GABRB2: variants seen among roughly 807,000 people sequenced by gnomAD.
The protein encoded by GABRB2 is gamma-aminobutyric acid receptor subunit beta-2.
A neutral mutation model predicts 54.7 loss-of-function variants in GABRB2; 16 were observed. The ratio of observed to expected loss-of-function variants is 0.29; its 90% confidence interval spans 0.20 to 0.44. GABRB2 has a LOEUF of 0.44. Among genes scored for constraint, GABRB2 ranks in the 20% least tolerant of loss-of-function variants. The pLI is 1.00. For missense variants in GABRB2, 355 were observed against 644.0 expected (o/e 0.55, Z 4.86); for synonymous variants, 244 against 233.8 (o/e 1.04, Z -0.40).
chr5:161,476,720 G>T (rs1758601965), intron 3 of GABRB2, among the ~76,000 whole-genome samples: 1 of 151,702 alleles, frequency 6.6e-6, no homozygotes, highest in African/African-American at 2.4e-5. Context: ...AATGGTATTG[G>T]GATAACTGGA....
At chr5:161,485,772 T>A (rs1402638945) in intron 3 of GABRB2, among the ~76,000 whole-genome samples, 1 of 151,884 alleles carries the variant, frequency 6.6e-6, no homozygotes, top group East Asian at 1.9e-4. Context: ...CAATGGTCAG[T>A]GAGACTCAAT....
intron 5 of GABRB2, among the ~76,000 whole-genome samples, chr5:161,349,012 ATAT>A (rs1440111750): frequency 1.3e-5 from 2 of 152,128 alleles, no homozygotes; most frequent in Non-Finnish European, 1.5e-5. Flanking sequence ...TGCCCCTTAA[ATAT>A]CTATGCAAAT....
At chr5:161,530,710 G>A (rs1265979730) in intron 3 of GABRB2, among the ~76,000 whole-genome samples, 2 of 152,080 alleles carry the variant, frequency 1.3e-5, no homozygotes, top group African/African-American at 4.8e-5. Flanking sequence ...TCTTTCCTCT[G>A]AAAATGTGGC....
chr5:161,542,049 A>T (rs897075479), intron 3 of GABRB2, among the ~76,000 whole-genome samples: 2 of 152,146 alleles, frequency 1.3e-5, no homozygotes, highest in African/African-American at 4.8e-5. Flanking sequence ...GGAATAGGGA[A>T]CCTCACAGAG....
At position 161,545,142 on chromosome 5, in the gene GABRB2, C is replaced by T. The variant is rs1288476630; in HGVS notation, c.237+85G>A. On this transcript the variant is annotated intron_variant, in intron 3 of 9. Coordinates refer to ENST00000393959, the MANE Select transcript of GABRB2 (RefSeq NM_001371727.1). ...ACCTCATACACATAGCCAAGCACACCCCCACCCCCAATAGCTGGCTCATTT... is the reference window on the plus strand; with the variant it reads ...ACCTCATACACATAGCCAAGCACACTCCCACCCCCAATAGCTGGCTCATTT... 24 of 997,012 alleles carry T rather than the reference C, an allele frequency of 2.4e-5. No individual in the cohort carries two copies. In the Admixed American group the frequency reaches 5.3e-4, roughly 22 times the overall value. The allele number at this position is 997,012 out of a possible 1,614,324, so 61.8% of individuals were successfully genotyped here.
At chr5:161,296,412 T>C (rs1757381629) in intron 9 of GABRB2, among the ~76,000 whole-genome samples, 1 of 152,178 alleles carries the variant, frequency 6.6e-6, no homozygotes, top group African/African-American at 2.4e-5. Flanking sequence ...TACTGAGCAA[T>C]TATAATAAGA....
intron 3 of GABRB2, among the ~76,000 whole-genome samples, chr5:161,467,081 T>A (rs1241991929): frequency 6.6e-6 from 1 of 152,080 alleles, no homozygotes; most frequent in Non-Finnish European, 1.5e-5. Flanking sequence ...TAAGGTATAG[T>A]CTGTTTAATT....
At chr5:161,546,766 G>A, upstream of GABRB2, 4 of 1,489,334 alleles carry the variant, frequency 2.7e-6, no homozygotes, top group Non-Finnish European at 2.7e-6. Context: ...CAAAGGGGAA[G>A]CGGCGGCTGC....
chr5:161,323,047 C>T (rs1367734775), intron 9 of GABRB2, among the ~76,000 whole-genome samples: 4 of 141,492 alleles, frequency 2.8e-5, no homozygotes, highest in East Asian at 2.1e-4. Context: ...TTTTTTGAGA[C>T]GGAGTCTTAC....
intron 4 of GABRB2, among the ~76,000 whole-genome samples, chr5:161,414,760 T>A (rs754137834): frequency 2.8e-3 from 429 of 151,214 alleles, no homozygotes; most frequent in African/African-American, 4.0e-3. Flanking sequence ...ATAAAACAAA[T>A]ATAACAATAA....
intron 3 of GABRB2, among the ~76,000 whole-genome samples, chr5:161,503,772 G>A (rs887877331): frequency 4.0e-5 from 6 of 150,132 alleles, no homozygotes; most frequent in African/African-American, 1.5e-4. Context: ...GACAGAGATT[G>A]TCAAACTGGA....
chr5:161,294,330 T>C lies in GABRB2; in HGVS notation c.1290A>G (p.Thr430=), dbSNP rs772833467. The part of the protein sequence containing the change: ...AVMGLGDPRS[T]MLAYDASSIQ... ...TGCTGGAGGCATCATAGGCTAGCAT[T>C]GTGCTTCTGGGGTCTCCAAGTCCCA... Residue 430 remains threonine, a synonymous_variant, in exon 10 of 10, where the codon ACA becomes ACG. Coordinates refer to ENST00000393959, the MANE Select transcript of GABRB2 (RefSeq NM_001371727.1). 7 of 1,614,024 alleles carry C rather than the reference T, an allele frequency of 4.3e-6. No individual in the cohort carries two copies. Among genetic ancestry groups the C allele is most frequent in the Non-Finnish European group, 1.7e-6 (2 of 1,180,010 alleles).
At chr5:161,338,841 T>C (rs1431379027) in intron 5 of GABRB2, among the ~76,000 whole-genome samples, 2 of 152,074 alleles carry the variant, frequency 1.3e-5, no homozygotes, top group Non-Finnish European at 1.5e-5. Context: ...GATTTCAACA[T>C]ACATTCTAGG....
chr5:161,472,612 A>G (rs927448420), intron 3 of GABRB2, among the ~76,000 whole-genome samples: 5 of 152,008 alleles, frequency 3.3e-5, no homozygotes, highest in African/African-American at 9.7e-5. Flanking sequence ...TCCTAAACAC[A>G]CAATTTTACA....
chr5:161,475,979 T>C (rs1385627210), intron 3 of GABRB2, among the ~76,000 whole-genome samples: 5 of 151,816 alleles, frequency 3.3e-5, no homozygotes, highest in African/African-American at 2.4e-5. Context: ...GACATCCTAA[T>C]TGGAAAGGAA....
At chr5:161,307,182 T>C (rs1757713361) in intron 9 of GABRB2, among the ~76,000 whole-genome samples, 1 of 152,182 alleles carries the variant, frequency 6.6e-6, no homozygotes, top group African/African-American at 2.4e-5. Context: ...CAAATTCTTT[T>C]TTCATGAGGA....
chr5:161,460,219 T>G (rs1391961319), intron 3 of GABRB2, among the ~76,000 whole-genome samples: 5 of 152,174 alleles, frequency 3.3e-5, no homozygotes, highest in Admixed American at 2.6e-4. Context: ...GTGCTGGGAT[T>G]ACAGGCATGA....
intron 4 of GABRB2, among the ~76,000 whole-genome samples, chr5:161,445,386 T>G (rs748656257): frequency 1.3e-5 from 2 of 151,804 alleles, no homozygotes; most frequent in Admixed American, 1.3e-4. Flanking sequence ...CTCAGATCTG[T>G]GCTTTTTGAA....
At chr5:161,545,871 A>G (rs1222565565) in intron 2 of GABRB2, among the ~76,000 whole-genome samples, 1 of 152,100 alleles carries the variant, frequency 6.6e-6, no homozygotes. Context: ...GACATGAGCC[A>G]CTGTAACCCT....
Sources: allele counts gnomAD v4.1 joint callset (sites outside exome capture counted in the v4.1 genomes callset), GRCh38; gene constraint gnomAD v4.1.1; transcripts MANE v1.5; gene names NCBI Gene and HGNC (gene_info 2026-07-23, HGNC 2026-07-21).